The following UGGT2 variants were observed in gnomAD, a reference collection of about 807,000 sequenced individuals.
UGGT2 encodes the protein UDP-glucose glycoprotein glucosyltransferase 2.
UGGT2 carries 180 observed loss-of-function variants against 192.1 expected under a neutral mutation model. The observed-to-expected ratio is 0.94, with a 90% confidence interval of 0.83 to 1.06. The LOEUF is 1.06. Ranked by LOEUF, UGGT2 falls within the 50% of genes least tolerant of loss-of-function variation. The pLI is 0.00. For synonymous variants in UGGT2, 580 were observed against 591.0 expected (o/e 0.98, Z 0.27); for missense variants, 1,849 against 1,795.7 (o/e 1.03, Z -0.54).
intron 2 of UGGT2, 28 bp downstream of exon 2, chr13:96,031,861 T>C (rs775865014): frequency 1.9e-6 from 3 of 1,542,120 alleles, no homozygotes; most frequent in Non-Finnish European, 2.7e-6. Flanking sequence ...ATACAAATCT[T>C]ACAAGTTAAA....
At chr13:95,929,731 G>A (rs972505417) in intron 17 of UGGT2, among the ~76,000 whole-genome samples, 5 of 152,168 alleles carry the variant, frequency 3.3e-5, no homozygotes, top group Non-Finnish European at 7.3e-5. Flanking sequence ...TTGCTATTAT[G>A]AATAGTGCTG....
chr13:95,836,822 C>T (rs1414927666), intron 37 of UGGT2, among the ~76,000 whole-genome samples: 2 of 100,188 alleles, frequency 2.0e-5, no homozygotes, highest in South Asian at 8.5e-4. Flanking sequence ...TGCTTTATAT[C>T]CTTTCACTGT....
At chr13:95,929,436 C>A (rs1044649671) in intron 17 of UGGT2, among the ~76,000 whole-genome samples, 12 of 152,168 alleles carry the variant, frequency 7.9e-5, no homozygotes, top group African/African-American at 2.9e-4. Context: ...TCCAACCCTT[C>A]CCTGACTTTT....
At chr13:95,859,533 A>T in intron 33 of UGGT2, 58 bp downstream of exon 33, 6 of 1,306,718 alleles carry the variant, frequency 4.6e-6, no homozygotes, top group Non-Finnish European at 6.5e-6. Flanking sequence ...ACTTACAATG[A>T]TACAAATAAT....
intron 2 of UGGT2, among the ~76,000 whole-genome samples, chr13:96,025,649 T>C (rs1244021931): frequency 6.6e-6 from 1 of 152,148 alleles, no homozygotes; most frequent in East Asian, 1.9e-4. Flanking sequence ...AGTCTTATGT[T>C]GTCCATCTGA....
rs1050334660 is a variant in UGGT2, at chr13:95,844,408, A to G, written c.4285-7206T>C. Among the ~76,000 whole-genome samples the G allele has an allele frequency of 5.9e-5, 9 of 152,348 alleles. No individual in the cohort carries two copies. The South Asian group carries it at 8.3e-4, about 14-fold the overall frequency. Reference sequence around the variant, plus strand: ...ATTAAATCTAGTGATTAATTTGGGGAGAAACCACATCTTAACAATATCCAG... The same window carrying G: ...ATTAAATCTAGTGATTAATTTGGGGGGAAACCACATCTTAACAATATCCAG... On this transcript the variant is annotated intron_variant, in intron 36 of 38. Coordinates refer to ENST00000376747, the MANE Select transcript of UGGT2 (RefSeq NM_020121.4).
chr13:96,012,072 A>G (rs1471677787), intron 5 of UGGT2, among the ~76,000 whole-genome samples: 1 of 152,112 alleles, frequency 6.6e-6, no homozygotes, highest in Non-Finnish European at 1.5e-5. Context: ...TTAAAGCTAC[A>G]GCAATTAAAA....
chr13:95,884,293 T>C (rs1296675772), intron 27 of UGGT2, among the ~76,000 whole-genome samples, 198 bp downstream of exon 27: 1 of 152,086 alleles, frequency 6.6e-6, no homozygotes, highest in African/African-American at 2.4e-5. Context: ...ACCTAGGAAC[T>C]TGGAAGACTA....
At chr13:95,867,578 A>G (rs1292571978) in intron 29 of UGGT2, among the ~76,000 whole-genome samples, 155 bp from the exon 30 acceptor site, 4 of 152,164 alleles carry the variant, frequency 2.6e-5, no homozygotes, top group Non-Finnish European at 4.4e-5. Flanking sequence ...AAGATATACT[A>G]TAATATGCTG....
At chr13:95,839,110 T>C (rs892355044) in intron 36 of UGGT2, among the ~76,000 whole-genome samples, 4 of 152,128 alleles carry the variant, frequency 2.6e-5, no homozygotes, top group African/African-American at 7.2e-5. Flanking sequence ...ACTGTTCTCA[T>C]GGAACTCAAC....
chr13:95,891,680 T>A (rs9561970), intron 24 of UGGT2, among the ~76,000 whole-genome samples: 7,768 of 152,242 alleles, frequency 0.051, 296 homozygotes, highest in East Asian at 0.19. Context: ...TTTAACACTA[T>A]AATCATGTAG....
chr13:96,040,566 T>C (rs544711674), intron 1 of UGGT2, among the ~76,000 whole-genome samples: 2 of 152,286 alleles, frequency 1.3e-5, no homozygotes, highest in South Asian at 2.1e-4. Context: ...GAGGCCAGCA[T>C]TCAACCTACT....
At chr13:95,834,799 A>T (rs1884050876) in intron 37 of UGGT2, among the ~76,000 whole-genome samples, 2 of 151,398 alleles carry the variant, frequency 1.3e-5, no homozygotes, top group Admixed American at 1.3e-4. Flanking sequence ...CACGTGACCA[A>T]CTCCCACCAA....
chr13:95,925,471 G>A (rs1382341319), intron 20 of UGGT2, among the ~76,000 whole-genome samples: 1 of 152,124 alleles, frequency 6.6e-6, no homozygotes, highest in Non-Finnish European at 1.5e-5. Context: ...GACTACCAGA[G>A]AATATATGTC....
intron 1 of UGGT2, among the ~76,000 whole-genome samples, chr13:96,042,316 A>T (rs1260043827): frequency 2.0e-5 from 3 of 152,206 alleles, no homozygotes; most frequent in African/African-American, 7.2e-5. Context: ...GAAAAGAAGG[A>T]GAGTACTACA....
intron 10 of UGGT2, among the ~76,000 whole-genome samples, chr13:95,975,378 G>A (rs984050519): frequency 6.6e-6 from 1 of 152,094 alleles, no homozygotes; most frequent in Non-Finnish European, 1.5e-5. Flanking sequence ...TGCAGTAACA[G>A]CATAGAAATT....
chr13:95,913,296 C>G (rs982554873), intron 20 of UGGT2, among the ~76,000 whole-genome samples: 1 of 152,160 alleles, frequency 6.6e-6, no homozygotes, highest in African/African-American at 2.4e-5. Context: ...TCAGAGTGAA[C>G]AGGCAACTTA....
chr13:95,915,182 T>C (rs1283962767), intron 20 of UGGT2, among the ~76,000 whole-genome samples: 1 of 152,234 alleles, frequency 6.6e-6, no homozygotes, highest in Non-Finnish European at 1.5e-5. Flanking sequence ...CCTCAGTATT[T>C]GAATTGTTAA....
At chr13:96,000,170 A>G (rs2051753961) in intron 5 of UGGT2, among the ~76,000 whole-genome samples, 1 of 152,102 alleles carries the variant, frequency 6.6e-6, no homozygotes, top group Non-Finnish European at 1.5e-5. Flanking sequence ...AGCTCAGCAA[A>G]CTCCCTGGAA....
Sources: gnomAD v4.1 joint callset for allele counts (sites outside exome capture counted in the v4.1 genomes callset) on GRCh38, gnomAD v4.1.1 for gene constraint, MANE v1.5 for transcripts, NCBI Gene and HGNC (gene_info 2026-07-23, HGNC 2026-07-21) for gene names.